Variants in FNBP1 observed in about 807,000 individuals in gnomAD.
FNBP1 encodes the protein formin binding protein 1.
In FNBP1, 26 loss-of-function variants were observed where a neutral mutation model predicts 90.6. The observed-to-expected ratio is 0.29, with a 90% confidence interval of 0.21 to 0.40. The LOEUF (loss-of-function observed/expected upper bound fraction) is 0.40. Ranked by LOEUF, FNBP1 falls within the 10% of genes least tolerant of loss-of-function variation. The pLI is 1.00. For missense variants in FNBP1, 635 were observed against 768.0 expected, an observed-to-expected ratio of 0.83 and a Z score of 2.05; for synonymous variants, 260 against 265.2, an observed-to-expected ratio of 0.98 and a Z score of 0.19.
intron 6 of FNBP1, among the ~76,000 whole-genome samples, chr9:129,949,722 A>G (rs1188291030): frequency 6.7e-6 from 1 of 149,240 alleles, no homozygotes; most frequent in African/African-American, 2.5e-5. Context: ...AAACAAACAA[A>G]CAAAACAAAA....
intron 1 of FNBP1, chr9:130,013,590 G>A (rs749741859): frequency 8.5e-5 from 35 of 409,858 alleles, no homozygotes; most frequent in Non-Finnish European, 1.7e-4. Flanking sequence ...ATATCTTAAG[G>A]TTTAGGAGCT....
intron 2 of FNBP1, among the ~76,000 whole-genome samples, chr9:129,982,794 C>T (rs754347787): frequency 8.5e-5 from 13 of 152,088 alleles, no homozygotes; most frequent in Non-Finnish European, 1.9e-4. Flanking sequence ...TCCCAAGTAG[C>T]TAGGACTACA....
intron 1 of FNBP1, among the ~76,000 whole-genome samples, chr9:130,008,027 C>A (rs2131604012): frequency 7.5e-6 from 1 of 133,212 alleles, no homozygotes; most frequent in East Asian, 2.2e-4. Flanking sequence ...AAACTGCTTA[C>A]TTTTTTTCAT....
In FNBP1 at chr9:129,931,359, T is replaced by C. The variant is rs185588752; in HGVS notation, c.514-1664A>G. Among the ~76,000 whole-genome samples, 1,027 of 152,024 alleles carry C rather than the reference T, an allele frequency of 6.8e-3. 18 individuals are homozygous for C. Among genetic ancestry groups the C allele is most frequent in the African/African-American group, 0.024 (992 of 41,452 alleles). On this transcript the variant is annotated intron_variant, in intron 6 of 16. Transcript: ENST00000446176. ...TGGCTCACGCCTGTAATCCTAACAC[T>C]TTGGGAGGCTGAGGTGGGCAGATCA...
At position 129,895,929 on chromosome 9, in the gene FNBP1, G is replaced by T; in HGVS notation, c.1755C>A (p.Gly585=). 1 of 1,613,424 alleles carries T rather than the reference G, an allele frequency of 6.2e-7. No homozygotes were observed. Residue 585 remains glycine (G), a synonymous_variant, in exon 16 of 17, where the codon GGC becomes GGA. Transcript: ENST00000446176. ...TTCTCCGAATGCGGGTCCAGCCATC[G>T]CCTTTGTCTTCCTCTATGACATACA... ...ETLYVIEEDK[G]DGWTRIRRNE...
At chr9:129,965,788 G>T (rs1588936838) in intron 4 of FNBP1, among the ~76,000 whole-genome samples, 2 of 135,434 alleles carry the variant, frequency 1.5e-5, no homozygotes, top group South Asian at 5.0e-4. Context: ...GAGGGAAGGA[G>T]GGAGGGAGGG....
rs756342214 is a variant in FNBP1 at position 129,914,757 on chromosome 9, CTATATATATATA to C, written c.1185+1197_1185+1208del. On this transcript the variant is annotated intron_variant, in intron 11 of 16. Transcript: ENST00000446176. ...AAATTATGTATATACATACATATGT[CTATATATATATA>C]TATATATATATATATATATATATAT... Among the ~76,000 whole-genome samples, 76 of 109,978 alleles carry C rather than the reference CTATATATATATA, an allele frequency of 6.9e-4. 1 individual carries two copies. Among genetic ancestry groups the C allele is most frequent in the Admixed American group, 2.8e-3 (29 of 10,232 alleles). The allele number at this position is 109,978 out of a possible 152,430, so 72.1% of individuals were successfully genotyped here.
At chr9:129,893,636 A>AAAAAAAAAAAAAAAAAAC (rs2035345467) in intron 16 of FNBP1, among the ~76,000 whole-genome samples, 1 of 141,500 alleles carries the variant, frequency 7.1e-6, no homozygotes, top group Non-Finnish European at 1.5e-5. Context: ...AAAAAAAAAA[A>AAAAAAAAAAAAAAAAAAC]AGCCAGGCAC....
In FNBP1 at chr9:129,957,334, G is replaced by A. The variant is rs772590341; in HGVS notation, c.513+26C>T. On this transcript the variant is annotated intron_variant, in intron 6 of 16. Coordinates refer to ENST00000446176, the MANE Select transcript of FNBP1 (RefSeq NM_015033.3). This position sits in a 1 kb window ranked among gnomAD's most constrained non-coding sequence, Gnocchi z 4.3. Reference sequence around the variant, plus strand: ...ATTACAGGCGTGAGCCACCGTGCCCGGCCCACACTTGAGCTTTCACCTCAC... The same window carrying A: ...ATTACAGGCGTGAGCCACCGTGCCCAGCCCACACTTGAGCTTTCACCTCAC... 23 of 1,543,642 alleles carry A rather than the reference G, an allele frequency of 1.5e-5. No homozygotes were observed. The highest frequency in any genetic ancestry group is 2.7e-5 in the African/African-American group (2 of 73,142).
intron 8 of FNBP1, among the ~76,000 whole-genome samples, 177 bp from the exon 9 acceptor site, chr9:129,925,334 G>A (rs1052880174): frequency 6.6e-5 from 10 of 151,800 alleles, no homozygotes; most frequent in East Asian, 3.9e-4. Flanking sequence ...GTGAAACCCC[G>A]TCTCTACTAA....
chr9:129,923,862 G>A lies in FNBP1; in HGVS notation c.1152C>T (p.Phe384=). The A allele has an allele frequency of 1.3e-6, 2 of 1,599,096 alleles. No homozygotes were observed. Among genetic ancestry groups the A allele is most frequent in the Non-Finnish European group, 8.5e-7 (1 of 1,173,398 alleles). ...AACTTACCCCACGCTTTAGGCTCCT[G>A]AAGCAGTGGATTTTGGGTTTGGAGG... ...FMTSKPKIHC[F]RSLKRGLSLK... The change falls in exon 10 of 17, where the codon TTC becomes TTT. Residue 384 remains phenylalanine (F), a synonymous_variant. Transcript: ENST00000446176.
the FNBP1 span, among the ~76,000 whole-genome samples, chr9:130,049,850 C>T: frequency 6.6e-5 from 10 of 152,050 alleles, no homozygotes; most frequent in African/African-American, 2.4e-4. Context: ...GCAATCCTTT[C>T]AGCATTTTCT....
Position 129,899,968 on chromosome 9 carries a change from C to T in FNBP1, c.1684G>A (p.Glu562Lys). 6.3e-7 allele frequency: 1 copy of T among 1,593,302 alleles called. No individual in the cohort carries two copies. The highest frequency in any genetic ancestry group is 8.5e-7 in the Non-Finnish European group (1 of 1,170,138). Residue 562 changes from glutamate (E) to lysine (K), a missense_variant, in exon 15 of 17, where the codon GAA becomes AAA. Coordinates refer to ENST00000446176, the MANE Select transcript of FNBP1 (RefSeq NM_015033.3). ...IGTCKALYTF[E>K]GQNEGTISVV... ...TCCAGCAGACATGAAATGTCACCTT[C>T]AAATGTGTAGAGAGCTTTGCACGTC...
intron 6 of FNBP1, among the ~76,000 whole-genome samples, chr9:129,953,352 G>A (rs908897062): frequency 1.3e-5 from 2 of 152,032 alleles, no homozygotes; most frequent in Admixed American, 6.6e-5. Flanking sequence ...TTATCCGGGC[G>A]TGGTGGTACA....
the FNBP1 span, among the ~76,000 whole-genome samples, chr9:130,049,700 CA>C: frequency 2.3e-5 from 3 of 133,024 alleles, no homozygotes; most frequent in Non-Finnish European, 1.7e-5. Context: ...GACTCTGTCT[CA>C]AAAAAAAATA....
intron 11 of FNBP1, among the ~76,000 whole-genome samples, chr9:129,912,106 G>A (rs1279644957): frequency 1.3e-5 from 2 of 152,058 alleles, no homozygotes; most frequent in Non-Finnish European, 2.9e-5. Flanking sequence ...GAAGGAGGGG[G>A]CAGTCCTTCA....
At position 129,929,629 on chromosome 9, in the gene FNBP1, G is replaced by A; in HGVS notation, c.580C>T (p.Leu194Phe). 6.2e-7 allele frequency: 1 copy of A among 1,613,756 alleles called. No individual in the cohort carries two copies. ...EDSKADYSSI[L>F]QKFNHEQHEY... is the part of the protein sequence containing the mutation. Reference sequence around the variant, plus strand: ...TGCTGCTCATGGTTGAATTTCTGGAGAATGGATGAGTAATCTGCTTTGCTG... The same window carrying A: ...TGCTGCTCATGGTTGAATTTCTGGAAAATGGATGAGTAATCTGCTTTGCTG... Residue 194 changes from leucine (L) to phenylalanine (F), a missense_variant, in exon 7 of 17, where the codon CTC becomes TTC. Physicochemically the swap from Leu to Phe is conservative, Grantham distance 22. Coordinates refer to ENST00000446176, the MANE Select transcript of FNBP1 (RefSeq NM_015033.3).
intron 1 of FNBP1, among the ~76,000 whole-genome samples, chr9:130,019,204 C>T (rs950986144): frequency 2.0e-5 from 3 of 151,722 alleles, no homozygotes; most frequent in African/African-American, 7.3e-5. Flanking sequence ...TCCACTCCCG[C>T]CTGGATGAGA....
chr9:129,978,701 C>T, intron 3 of FNBP1, 89 bp from the exon 4 acceptor site: 3 of 1,355,148 alleles, frequency 2.2e-6, no homozygotes, highest in South Asian at 2.7e-5. Flanking sequence ...TAATTAAAAT[C>T]AGGTTAATTG....
Sources: gnomAD v4.1 joint callset for allele counts (sites outside exome capture counted in the v4.1 genomes callset) on GRCh38, gnomAD v4.1.1 for gene constraint, Gnocchi (gnomAD v3.1) non-coding constraint, MANE v1.5 for transcripts, NCBI Gene and HGNC (gene_info 2026-07-23, HGNC 2026-07-21) for gene names.